The following WNK2 variants were observed in gnomAD, a reference collection of about 807,000 sequenced individuals.
WNK2 encodes the protein serine/threonine-protein kinase WNK2.
WNK2 carries 67 observed loss-of-function variants against 192.1 expected under a neutral mutation model. The observed-to-expected ratio is 0.35, with a 90% CI of 0.29 to 0.43. WNK2 has a LOEUF of 0.43. Among genes scored for constraint, WNK2 ranks in the 20% least tolerant of loss-of-function variants. WNK2 has a pLI of 1.00. For missense variants in WNK2, 2,698 were observed against 3,089.7 expected (o/e 0.87, Z 3.01); for synonymous variants, 1,439 against 1,393.9 (o/e 1.03, Z -0.72).
chr9:93,271,210 C>G (rs1003345657), intron 19 of WNK2, among the ~76,000 whole-genome samples: 14 of 152,282 alleles, frequency 9.2e-5, no homozygotes, highest in African/African-American at 3.4e-4. Flanking sequence ...GACATGTAAC[C>G]ACAGCCCATA....
intron 2 of WNK2, among the ~76,000 whole-genome samples, chr9:93,190,814 C>T (rs575148351): frequency 9.2e-5 from 14 of 152,194 alleles, no homozygotes; most frequent in Admixed American, 2.6e-4. Context: ...ACGGGTCACC[C>T]GCGTCTCCAG....
At chr9:93,263,480 A>C in intron 14 of WNK2, 86 bp from the exon 15 acceptor site, 1 of 1,525,246 alleles carries the variant, frequency 6.6e-7, no homozygotes, top group South Asian at 1.2e-5. Context: ...GAGACTCCAG[A>C]CTGTTCCAGA....
intron 14 of WNK2, 56 bp downstream of exon 14, chr9:93,262,775 A>G (rs1212621132): frequency 4.4e-6 from 7 of 1,577,796 alleles, no homozygotes; most frequent in Admixed American, 1.7e-5. Context: ...AGGCCTGTAC[A>G]GCCACTCAGC....
intron 2 of WNK2, among the ~76,000 whole-genome samples, chr9:93,225,598 C>T (rs778673533): frequency 6.6e-6 from 1 of 152,180 alleles, no homozygotes; most frequent in Non-Finnish European, 1.5e-5. Context: ...ATGCAGGGTA[C>T]GCCCCCCTAC....
chr9:93,266,140 T>G (rs1201460529), intron 16 of WNK2, among the ~76,000 whole-genome samples: 2 of 151,962 alleles, frequency 1.3e-5, no homozygotes, highest in Non-Finnish European at 2.9e-5. Context: ...GCTCCAGAGG[T>G]TCGAGTTGAA....
At chr9:93,194,084 T>TA (rs1480327327) in intron 2 of WNK2, among the ~76,000 whole-genome samples, 3 of 152,210 alleles carry the variant, frequency 2.0e-5, no homozygotes, top group African/African-American at 7.2e-5. Context: ...ACGCAGACCT[T>TA]ACACCCCTCA....
rs1209622268 is a variant in WNK2, at chr9:93,245,952, G to T, written c.1543-1591G>T. 1.3e-5 allele frequency among the ~76,000 whole-genome samples: 2 copies of T among 152,222 alleles called. 1 individual carries two copies. The highest frequency in any genetic ancestry group is 4.8e-5 in the African/African-American group (2 of 41,460). ...TTGTGACATGGCTTCCCCTAGAGCA[G>T]ATGATCCACAGGAAAGGGAGGCAAA... On this transcript the variant is annotated intron_variant, in intron 7 of 29. Transcript: ENST00000427277.
intron 14 of WNK2, among the ~76,000 whole-genome samples, chr9:93,263,012 T>G (rs1844547950): frequency 6.6e-6 from 1 of 152,144 alleles, no homozygotes; most frequent in Non-Finnish European, 1.5e-5. Context: ...GAGTTGGCAG[T>G]GCCCAGAGAC....
chr9:93,254,099 T>C (rs541543024), intron 9 of WNK2, among the ~76,000 whole-genome samples: 13 of 152,286 alleles, frequency 8.5e-5, no homozygotes, highest in African/African-American at 3.1e-4. Context: ...GTGTTTTTAG[T>C]AGACACCAGG....
intron 7 of WNK2, among the ~76,000 whole-genome samples, chr9:93,244,220 C>T (rs1483653800): frequency 6.6e-6 from 1 of 152,214 alleles, no homozygotes; most frequent in Non-Finnish European, 1.5e-5. Context: ...AGCTCTCCTT[C>T]CCCTGAAGTC....
At chr9:93,213,895 G>A (rs1336744447) in intron 2 of WNK2, among the ~76,000 whole-genome samples, 1 of 152,188 alleles carries the variant, frequency 6.6e-6, no homozygotes, top group Non-Finnish European at 1.5e-5. Context: ...CACATCGTGG[G>A]CAGTATAAGC....
At chr9:93,288,735 GTAGA>G in intron 19 of WNK2, 49 bp from the exon 20 acceptor site, 1 of 1,504,752 alleles carries the variant, frequency 6.6e-7, no homozygotes, top group Non-Finnish European at 8.9e-7. Flanking sequence ...GAAGAAACAG[GTAGA>G]TAGGACTGGA....
intron 19 of WNK2, among the ~76,000 whole-genome samples, chr9:93,286,134 T>A (rs1282010934): frequency 6.6e-6 from 1 of 152,106 alleles, no homozygotes; most frequent in African/African-American, 2.4e-5. Context: ...CAACAAAATA[T>A]GCAAATGGAA....
chr9:93,188,263 A>C (rs1829710570), intron 2 of WNK2, among the ~76,000 whole-genome samples: 1 of 152,084 alleles, frequency 6.6e-6, no homozygotes, highest in African/African-American at 2.4e-5. Flanking sequence ...TGGAGAACTG[A>C]GAGGCGCCAG....
intron 2 of WNK2, among the ~76,000 whole-genome samples, chr9:93,200,608 C>T (rs12336667): frequency 0.39 from 58,902 of 152,040 alleles, 13,413 homozygotes; most frequent in East Asian, 0.51. Flanking sequence ...TTGGCACCCT[C>T]GTTTGCGGCT....
At position 93,284,840 on chromosome 9, in the gene WNK2, A is replaced by G. The variant is rs187842679; in HGVS notation, c.4034-3948A>G. ...AACACTTTATTTTTCATTTGAAGAAAATGCCATTGATTTCTAAACAAGGTC... is the reference window on the plus strand; with the variant it reads ...AACACTTTATTTTTCATTTGAAGAAGATGCCATTGATTTCTAAACAAGGTC... On this transcript the variant is annotated intron_variant, in intron 19 of 29. Transcript: ENST00000427277. 2.8e-4 allele frequency among the ~76,000 whole-genome samples: 42 copies of G among 152,334 alleles called. No homozygotes were observed. The East Asian group carries it at 2.9e-3, about 10-fold the overall frequency.
In WNK2 at chr9:93,230,875, TG is replaced by T. The variant is rs1442249783; in HGVS notation, c.855-12del. The T allele has an allele frequency of 1.2e-6, 2 of 1,608,666 alleles. No homozygotes were observed. Among genetic ancestry groups the T allele is most frequent in the Non-Finnish European group, 1.7e-6 (2 of 1,178,404 alleles). On this transcript the variant is annotated splice_polypyrimidine_tract_variant and intron_variant, in intron 3 of 29. Transcript: ENST00000427277. Reference sequence around the variant, plus strand: ...CGAGCTGCTTGGTGAGCTGTGCCCGTGAACCCCTGCAGATACCTGAAGCGGT... The same window carrying T: ...CGAGCTGCTTGGTGAGCTGTGCCCGTAACCCCTGCAGATACCTGAAGCGGT...
In WNK2 at chr9:93,229,720, C is replaced by T. The variant is rs1175998540; in HGVS notation, c.706C>T (p.Arg236Trp). 1.2e-6 allele frequency: 2 copies of T among 1,613,224 alleles called. No homozygotes were observed. Among genetic ancestry groups the T allele is most frequent in the Non-Finnish European group, 8.5e-7 (1 of 1,179,588 alleles). Residue 236 changes from arginine to tryptophan, a missense_variant, in exon 3 of 30, where the codon CGG becomes TGG. Arg to Trp is a moderately radical substitution (Grantham distance 101). This residue lies in a region of WNK2 where 230 missense variants were observed against 501.1 expected (regional missense o/e 0.46). Coordinates refer to ENST00000427277, the MANE Select transcript of WNK2 (RefSeq NM_006648.4). The surrounding 1 kb of genome is among the most constrained non-coding windows in gnomAD (Gnocchi z 4.9). Reference sequence around the variant, plus strand: ...GGACCGGAAGCTCACCAAGCTGGAGCGGCAGCGGTTCAAGGAAGAGGCTGA... The same window carrying T: ...GGACCGGAAGCTCACCAAGCTGGAGTGGCAGCGGTTCAAGGAAGAGGCTGA... ...LQDRKLTKLE[R>W]QRFKEEAEML...
intron 4 of WNK2, among the ~76,000 whole-genome samples, chr9:93,233,286 G>A (rs187397639): frequency 5.9e-5 from 9 of 151,964 alleles, no homozygotes; most frequent in African/African-American, 1.7e-4. Context: ...AGTTCCCGGC[G>A]TCAGGCCCCT....
Sources: allele counts gnomAD v4.1 joint callset (sites outside exome capture counted in the v4.1 genomes callset), GRCh38; gene constraint gnomAD v4.1.1; regional missense constraint gnomAD v4.1.1; non-coding constraint Gnocchi (gnomAD v3.1); transcripts MANE v1.5; gene names NCBI Gene and HGNC (gene_info 2026-07-23, HGNC 2026-07-21).